The following COL10A1 variants were observed in gnomAD, a reference collection of about 807,000 sequenced individuals.
COL10A1 encodes collagen alpha-1(X) chain.
In COL10A1, 10 loss-of-function variants were observed where a neutral mutation model predicts 18.2. The observed-to-expected ratio is 0.55, with a 90% CI of 0.34 to 0.93. The LOEUF (loss-of-function observed/expected upper bound fraction) is 0.93. COL10A1 is among the 40% of genes least tolerant of loss of function. The pLI is 0.02. For missense variants in COL10A1, 897 were observed against 853.5 expected (o/e 1.05, Z -0.64); for synonymous variants, 330 against 316.6 (o/e 1.04, Z -0.45).
upstream of COL10A1, among the ~76,000 whole-genome samples, chr6:116,163,443 G>C (rs958263695): frequency 6.6e-6 from 1 of 151,790 alleles, no homozygotes; most frequent in African/African-American, 2.4e-5. Context: ...ATGATGTTTC[G>C]TATTTCTGTG....
upstream of COL10A1, among the ~76,000 whole-genome samples, chr6:116,128,907 A>G (rs1338768324): frequency 6.6e-6 from 1 of 152,094 alleles, no homozygotes; most frequent in Non-Finnish European, 1.5e-5. Context: ...ATTTGTGTTC[A>G]TATGCTTTTT....
chr6:116,123,403 A>G (rs1300794656), intron 2 of COL10A1, among the ~76,000 whole-genome samples: 1 of 152,182 alleles, frequency 6.6e-6, no homozygotes, highest in East Asian at 1.9e-4. Context: ...TTCATTCAAG[A>G]TTAGGGTGGC....
chr6:116,121,149 C>G lies in COL10A1; in HGVS notation c.967G>C (p.Gly323Arg). The G allele has an allele frequency of 6.2e-7, 1 of 1,613,282 alleles. No homozygotes were observed. The highest frequency in any genetic ancestry group is 8.5e-7 in the Non-Finnish European group (1 of 1,179,638). Reference protein sequence around the residue: ...AGLPGGPGAKGEQGPAGLPGK... With the variant: ...AGLPGGPGAKREQGPAGLPGK... ...GGAAGACCTGCTGGCCCTTGTTCCC[C>G]TTTGGCACCTGGACCCCCAGGAAGG... The change falls in exon 3 of 3, where the codon GGG becomes CGG. Residue 323 changes from glycine (G) to arginine (R), a missense_variant. Physicochemically the swap from Gly to Arg is moderately radical, Grantham distance 125 (BLOSUM62 -2). Transcript: ENST00000651968.
rs764071827 is a variant in COL10A1, at chr6:116,120,862, A to G, written c.1254T>C (p.Pro418=). The G allele has an allele frequency of 1.2e-6, 2 of 1,613,946 alleles. No individual in the cohort carries two copies. The highest frequency in any genetic ancestry group is 3.3e-5 in the Admixed American group (2 of 60,018). ...CTGGGCCCACAGGGCCTGGGAGACC[A>G]GGAGGTCCTCCAACTCCAGGATCAC... is the stretch of plus-strand genomic sequence containing the variant. ...PKGDPGVGGP[P]GLPGPVGPAG... The change falls in exon 3 of 3, where the codon CCT becomes CCC. Residue 418 remains proline (P), a synonymous_variant. Transcript: ENST00000651968.
intron 1 of COL10A1, chr6:116,158,592 C>T (rs1339731897): frequency 6.6e-6 from 1 of 152,132 alleles, no homozygotes; most frequent in East Asian, 1.9e-4. Flanking sequence ...AACCTATTGT[C>T]ACACGTTTGA....
rs1164498236 is a variant in COL10A1, at chr6:116,125,525, A to G, written c.-15-18T>C. 1.2e-6 allele frequency: 2 copies of G among 1,610,052 alleles called. No homozygotes were observed. The highest frequency in any genetic ancestry group is 1.1e-5 in the South Asian group (1 of 90,870). ...GATGGATTCTGAAAAACAGAAAAGA[A>G]TAACTTTATACAGCATTGTTATTAA... On this transcript the variant is annotated intron_variant, in intron 1 of 2. Transcript: ENST00000651968.
At chr6:116,176,707 C>G in the COL10A1 span, among the ~76,000 whole-genome samples, 2 of 152,158 alleles carry the variant, frequency 1.3e-5, no homozygotes, top group Admixed American at 1.3e-4. Flanking sequence ...ACTTGCTGCC[C>G]TTCCTCCAGC....
chr6:116,146,656 A>G (rs1779905063), intron 1 of COL10A1, among the ~76,000 whole-genome samples: 2 of 152,332 alleles, frequency 1.3e-5, no homozygotes, highest in South Asian at 4.1e-4. Context: ...GTTATGTTAT[A>G]ACTTATGTTT....
chr6:116,121,722 C>T lies in COL10A1; in HGVS notation c.394G>A (p.Ala132Thr). ...PYGPKGDVGP[A>T]GLPGPRGPPG... ...GGGCCCCGGGGTCCTGGTAGGCCAG[C>T]TGGTCCAACATCTCCTTTTGGTCCA... is the stretch of plus-strand genomic sequence containing the variant. The change falls in exon 3 of 3, where the codon GCT becomes ACT. Residue 132 changes from alanine to threonine, a missense_variant. By Grantham distance (58) the Ala-to-Thr change is moderately conservative. Transcript: ENST00000651968. The T allele has an allele frequency of 6.2e-7, 1 of 1,614,032 alleles. No individual in the cohort carries two copies.
chr6:116,191,907 TC>T, the COL10A1 span, among the ~76,000 whole-genome samples: 1 of 152,026 alleles, frequency 6.6e-6, no homozygotes, highest in Non-Finnish European at 1.5e-5. Context: ...ATAAATCAAA[TC>T]AGTTTTGCTG....
the COL10A1 span, among the ~76,000 whole-genome samples, chr6:116,207,101 A>G: frequency 6.6e-6 from 1 of 151,956 alleles, no homozygotes; most frequent in Non-Finnish European, 1.5e-5. Context: ...AAATAGTTTC[A>G]TTATTACAAT....
At chr6:116,181,342 A>C in the COL10A1 span, among the ~76,000 whole-genome samples, 1 of 152,134 alleles carries the variant, frequency 6.6e-6, no homozygotes, top group Non-Finnish European at 1.5e-5. Flanking sequence ...CAAATTCAGA[A>C]TATATAAAAA....
chr6:116,164,215 T>G, the COL10A1 span, among the ~76,000 whole-genome samples: 2 of 152,228 alleles, frequency 1.3e-5, no homozygotes, highest in Admixed American at 6.5e-5. Context: ...ATTGTATGGC[T>G]TTTTATTTTA....
At chr6:116,211,950 G>T in the COL10A1 span, among the ~76,000 whole-genome samples, 1 of 151,938 alleles carries the variant, frequency 6.6e-6, no homozygotes, top group East Asian at 1.9e-4. Context: ...TTTCATTCAC[G>T]CAGTGAGGCC....
chr6:116,155,497 A>G (rs1386003191), intron 1 of COL10A1, among the ~76,000 whole-genome samples: 5 of 152,148 alleles, frequency 3.3e-5, no homozygotes, highest in Non-Finnish European at 5.9e-5. Context: ...TGTAATACGT[A>G]CTGAATCCAG....
the COL10A1 span, among the ~76,000 whole-genome samples, chr6:116,172,257 A>G: frequency 6.6e-6 from 1 of 151,522 alleles, no homozygotes; most frequent in Non-Finnish European, 1.5e-5. Flanking sequence ...AGGTTATATT[A>G]GATAAGTATA....
At chr6:116,159,284 A>T (rs1360756322), upstream of COL10A1, among the ~76,000 whole-genome samples, 1 of 152,188 alleles carries the variant, frequency 6.6e-6, no homozygotes, top group African/African-American at 2.4e-5. Context: ...TTCTTATCAA[A>T]AACCAGAGAA....
At chr6:116,209,285 A>G in the COL10A1 span, among the ~76,000 whole-genome samples, 1 of 152,022 alleles carries the variant, frequency 6.6e-6, no homozygotes, top group South Asian at 2.1e-4. Context: ...AGATGTAAGC[A>G]CCTTTCTTAG....
the COL10A1 span, among the ~76,000 whole-genome samples, chr6:116,189,992 G>A: frequency 6.6e-6 from 1 of 151,974 alleles, no homozygotes; most frequent in South Asian, 2.1e-4. Context: ...GCACAATAAT[G>A]ATATAATGGA....
Sources: allele counts gnomAD v4.1 joint callset (sites outside exome capture counted in the v4.1 genomes callset), GRCh38; gene constraint gnomAD v4.1.1; transcripts MANE v1.5; gene names NCBI Gene and HGNC (gene_info 2026-07-23, HGNC 2026-07-21).